ZNF398: variants seen among roughly 807,000 people sequenced by gnomAD.
The protein encoded by ZNF398 is zinc finger DNA binding protein ZER6.
Under a neutral mutation model 41.9 loss-of-function variants are expected in ZNF398, and 18 were observed. That is an observed-to-expected ratio of 0.43 (90% CI 0.30 to 0.64). The LOEUF (loss-of-function observed/expected upper bound fraction) is 0.64, where lower values mean the gene tolerates loss of function less well. ZNF398 is among the 30% of genes least tolerant of loss of function. The pLI is 0.14. For synonymous variants in ZNF398, 260 were observed against 308.8 expected (o/e 0.84, Z 1.66); for missense variants, 669 against 822.8 (o/e 0.81, Z 2.29).
At chr7:149,176,215 C>T (rs931913110) in intron 4 of ZNF398, among the ~76,000 whole-genome samples, 6 of 151,910 alleles carry the variant, frequency 3.9e-5, no homozygotes, top group Non-Finnish European at 5.9e-5. Context: ...TGGTGGCAGG[C>T]GCCTGTAGTC....
intron 4 of ZNF398, among the ~76,000 whole-genome samples, chr7:149,170,159 GT>G (rs1795302738): frequency 6.6e-6 from 1 of 152,158 alleles, no homozygotes; most frequent in Non-Finnish European, 1.5e-5. Flanking sequence ...ATACCACACT[GT>G]TTGACAAACA....
At chr7:149,166,050 G>A in intron 2 of ZNF398, 108 bp from the exon 3 acceptor site, 1 of 1,221,760 alleles carries the variant, frequency 8.2e-7, no homozygotes. Context: ...AATATTTATT[G>A]ACCACCCTTT....
chr7:149,147,830 G>A lies in ZNF398; in HGVS notation c.24+64G>A. ...ACCCAGACCCCGAGGGAGGAAGGCG[G>A]GCGGGCAGGGAGCTGCCAGGCATAG... On this transcript the variant is annotated intron_variant, in intron 1 of 5. Transcript: ENST00000475153. This position sits in a 1 kb window ranked among gnomAD's most constrained non-coding sequence, Gnocchi z 5.6. 1.5e-6 allele frequency: 2 copies of A among 1,320,160 alleles called. No homozygotes were observed. Among genetic ancestry groups the A allele is most frequent in the South Asian group, 3.9e-5 (2 of 50,636 alleles). 81.8% of individuals were successfully genotyped at this position (1,320,160 alleles called of 1,614,324 possible).
intron 4 of ZNF398, among the ~76,000 whole-genome samples, chr7:149,168,017 C>A (rs961279513): frequency 6.6e-6 from 1 of 152,094 alleles, no homozygotes; most frequent in Non-Finnish European, 1.5e-5. Flanking sequence ...TAACATTATA[C>A]CATCCTTCCT....
chr7:149,167,634 CTTT>C (rs1163487497), intron 4 of ZNF398, among the ~76,000 whole-genome samples: 1 of 133,964 alleles, frequency 7.5e-6, no homozygotes, highest in Non-Finnish European at 1.6e-5. Flanking sequence ...TTTTTCTTTT[CTTT>C]TTTTTTTTTT....
intron 5 of ZNF398, among the ~76,000 whole-genome samples, chr7:149,178,209 G>T (rs1392935407): frequency 2.6e-5 from 4 of 151,720 alleles, no homozygotes; most frequent in African/African-American, 9.7e-5. Flanking sequence ...GGAGAATGGC[G>T]TGAACCCGGG....
chr7:149,149,858 T>C (rs1353394074), intron 1 of ZNF398, among the ~76,000 whole-genome samples: 1 of 152,004 alleles, frequency 6.6e-6, no homozygotes, highest in Non-Finnish European at 1.5e-5. Flanking sequence ...ACAAATATTT[T>C]TTTCATACTA....
intron 2 of ZNF398, among the ~76,000 whole-genome samples, chr7:149,141,584 A>C (rs930028274): frequency 3.3e-5 from 5 of 150,634 alleles, no homozygotes; most frequent in Non-Finnish European, 7.4e-5. Flanking sequence ...CCTCCTGAGT[A>C]GCTGGGACTA....
chr7:149,127,741 A>C (rs1405774598), intron 1 of ZNF398, among the ~76,000 whole-genome samples: 1 of 151,826 alleles, frequency 6.6e-6, no homozygotes, highest in East Asian at 1.9e-4. Context: ...CAAACAAACA[A>C]AAAAACTAAC....
chr7:149,177,874 T>A (rs1403328018), intron 5 of ZNF398, among the ~76,000 whole-genome samples: 1 of 152,078 alleles, frequency 6.6e-6, no homozygotes. Context: ...GAGGGCTGGG[T>A]GTGGTGGCTC....
intron 2 of ZNF398, among the ~76,000 whole-genome samples, chr7:149,133,555 G>T (rs1826638513): frequency 6.6e-6 from 1 of 150,662 alleles, no homozygotes; most frequent in East Asian, 2.0e-4. Flanking sequence ...CAGTTCAAAG[G>T]CTTTTGACAA....
chr7:149,173,370 G>A (rs929676692), intron 4 of ZNF398, among the ~76,000 whole-genome samples: 1 of 151,836 alleles, frequency 6.6e-6, no homozygotes, highest in African/African-American at 2.4e-5. Flanking sequence ...GCCTCCCAAA[G>A]TTCTGGGATT....
chr7:149,176,386 T>C lies in ZNF398; in HGVS notation c.662-82T>C, dbSNP rs149457001. 394 of 939,162 alleles carry C rather than the reference T, an allele frequency of 4.2e-4. 2 individuals are homozygous for C. The African/African-American group carries it at 5.8e-3, about 14-fold the overall frequency. 58.2% of individuals were successfully genotyped at this position (939,162 alleles called of 1,614,324 possible). On this transcript the variant is annotated intron_variant, in intron 4 of 5. Transcript: ENST00000475153. ...AAGGAAAAATATTTGGGGCAAAATA[T>C]AGTGTTCAGCAAACCAACTTGATTA...
intron 4 of ZNF398, among the ~76,000 whole-genome samples, chr7:149,167,400 TC>T (rs1365235611): frequency 6.6e-6 from 1 of 152,146 alleles, no homozygotes; most frequent in African/African-American, 2.4e-5. Context: ...CATGAACTCT[TC>T]CTAACTTTTT....
intron 2 of ZNF398, among the ~76,000 whole-genome samples, chr7:149,156,176 A>T (rs1204039772): frequency 6.6e-6 from 1 of 152,088 alleles, no homozygotes; most frequent in Non-Finnish European, 1.5e-5. Context: ...AAGTGGACAG[A>T]TGCAGGATGT....
At chr7:149,168,234 C>A (rs1165138976) in intron 4 of ZNF398, among the ~76,000 whole-genome samples, 1 of 151,920 alleles carries the variant, frequency 6.6e-6, no homozygotes, top group Admixed American at 6.6e-5. Context: ...CCCACCACCA[C>A]GCCTGGCTAA....
intron 4 of ZNF398, among the ~76,000 whole-genome samples, chr7:149,170,928 G>C (rs1423319087): frequency 2.1e-5 from 3 of 140,660 alleles, no homozygotes; most frequent in Non-Finnish European, 4.6e-5. Flanking sequence ...TTTTTTTTTT[G>C]AGCCTCCTGG....
Position 149,176,524 on chromosome 7 carries a change from C to T in ZNF398, c.718C>T (p.Gln240Ter). ...TTGGATTAAACAAGAAGAAGAGCCT[C>T]AGGTTGGGGCCCCACCGGAGTCCAA... ...LSWIKQEEEP[Q>*]VGAPPESKES... The change falls in exon 5 of 6, where the codon CAG becomes TAG. Residue 240 changes from glutamine to a stop codon, truncating the protein, a stop_gained. Transcript: ENST00000475153. LOFTEE classifies it high-confidence loss of function. The T allele has an allele frequency of 6.2e-7, 1 of 1,613,448 alleles. No homozygotes were observed. Among genetic ancestry groups the T allele is most frequent in the Non-Finnish European group, 8.5e-7 (1 of 1,179,864 alleles).
In ZNF398 at chr7:149,182,660, C is replaced by G. The variant is rs1795617780; in HGVS notation, c.*2859C>G. On this transcript the variant is annotated 3_prime_UTR_variant, in exon 6 of 6. Transcript: ENST00000475153. ...GTCACTATCACACATAAGCACCATT[C>G]CCTTAGAGTGGATCCAGGTGTTGAC... The G allele has an allele frequency of 6.6e-6, 1 of 152,232 alleles. No individual in the cohort carries two copies. The highest frequency in any genetic ancestry group is 1.5e-5 in the Non-Finnish European group (1 of 68,036). The allele number at this position is 152,232 out of a possible 1,614,324, so 9.4% of individuals were successfully genotyped here.
Sources: allele counts gnomAD v4.1 joint callset (sites outside exome capture counted in the v4.1 genomes callset), GRCh38; gene constraint gnomAD v4.1.1; non-coding constraint Gnocchi (gnomAD v3.1); transcripts MANE v1.5; gene names NCBI Gene and HGNC (gene_info 2026-07-23, HGNC 2026-07-21).